Variants in ANKRD13C observed in about 807,000 individuals in gnomAD.
The protein encoded by ANKRD13C is ankyrin repeat domain 13C.
Under a neutral mutation model 65.5 loss-of-function variants are expected in ANKRD13C, and 16 were observed. The ratio of observed to expected loss-of-function variants is 0.24; its 90% CI spans 0.17 to 0.37. The LOEUF (loss-of-function observed/expected upper bound fraction) is 0.37, where lower values mean the gene tolerates loss of function less well. ANKRD13C is among the 10% of genes least tolerant of loss of function. ANKRD13C has a pLI of 1.00. For missense variants in ANKRD13C, 503 were observed against 655.9 expected (o/e 0.77, Z 2.55); for synonymous variants, 235 against 238.7 (o/e 0.98, Z 0.14).
At chr1:70,286,279 A>C (rs1030220773) in intron 9 of ANKRD13C, among the ~76,000 whole-genome samples, 17 of 152,176 alleles carry the variant, frequency 1.1e-4, no homozygotes, top group Admixed American at 9.2e-4. Flanking sequence ...AATATTCTCA[A>C]ATGCAATTCT....
At chr1:70,350,166 T>C (rs1035008564) in intron 1 of ANKRD13C, among the ~76,000 whole-genome samples, 2 of 152,156 alleles carry the variant, frequency 1.3e-5, no homozygotes, top group Non-Finnish European at 2.9e-5. Flanking sequence ...TTAATTAACA[T>C]ACTCTTGCAC....
chr1:70,329,726 T>C (rs1010231353), intron 2 of ANKRD13C, among the ~76,000 whole-genome samples: 8 of 151,920 alleles, frequency 5.3e-5, no homozygotes, highest in Admixed American at 4.6e-4. Context: ...GAAGTAGAGA[T>C]TAGCAACTAA....
At chr1:70,265,847 A>AAAAG (rs1553240880) in intron 12 of ANKRD13C, among the ~76,000 whole-genome samples, 6 of 144,946 alleles carry the variant, frequency 4.1e-5, no homozygotes, top group Non-Finnish European at 9.0e-5. Flanking sequence ...AAAAAAAAAA[A>AAAAG]AAAAGAAAAG....
chr1:70,296,627 A>G (rs11209599), intron 7 of ANKRD13C, among the ~76,000 whole-genome samples: 16,925 of 152,078 alleles, frequency 0.11, 1,175 homozygotes, highest in East Asian at 0.34. Flanking sequence ...CAGATCTGAG[A>G]AAAAAACCCA....
intron 12 of ANKRD13C, among the ~76,000 whole-genome samples, chr1:70,267,707 C>A (rs1216978386): frequency 6.6e-6 from 1 of 151,914 alleles, no homozygotes; most frequent in Non-Finnish European, 1.5e-5. Flanking sequence ...CTTTTTCTTG[C>A]CATCCTTAGG....
At chr1:70,316,199 G>GTA (rs1681065936) in intron 3 of ANKRD13C, among the ~76,000 whole-genome samples, 1 of 152,120 alleles carries the variant, frequency 6.6e-6, no homozygotes, top group Non-Finnish European at 1.5e-5. Context: ...GAATCTTATT[G>GTA]TACATGGAAA....
chr1:70,322,608 T>G (rs3980669), intron 3 of ANKRD13C, among the ~76,000 whole-genome samples: 1 of 152,216 alleles, frequency 6.6e-6, no homozygotes, highest in Non-Finnish European at 1.5e-5. Flanking sequence ...TTATGAATTC[T>G]TAAACAGAAG....
intron 8 of ANKRD13C, among the ~76,000 whole-genome samples, chr1:70,293,938 T>C (rs1460644010): frequency 1.3e-5 from 2 of 152,234 alleles, no homozygotes; most frequent in African/African-American, 4.8e-5. Context: ...AAAAGGATGA[T>C]AAACACATCA....
chr1:70,326,285 T>TTCAA (rs1017184212), intron 2 of ANKRD13C, among the ~76,000 whole-genome samples: 2 of 141,804 alleles, frequency 1.4e-5, no homozygotes, highest in Non-Finnish European at 3.1e-5. Context: ...CATCCATTCA[T>TTCAA]TCAATCAATA....
chr1:70,275,267 CA>C (rs1679079321), intron 10 of ANKRD13C, among the ~76,000 whole-genome samples: 2 of 152,072 alleles, frequency 1.3e-5, no homozygotes, highest in Non-Finnish European at 2.9e-5. Flanking sequence ...ATCAATGTAG[CA>C]TAAAGATCTA....
In ANKRD13C at chr1:70,260,031, G is replaced by A. The variant is rs1239612308; in HGVS notation, c.*2686C>T. ...ATTATTCATCACCCTCCCCCAGTGT[G>A]TGAATAATAAACTGTATGTGAATAC... On this transcript the variant is annotated 3_prime_UTR_variant, in exon 13 of 13. Transcript: ENST00000370944. Among the ~76,000 whole-genome samples the A allele has an allele frequency of 1.3e-5, 2 of 152,120 alleles. No homozygotes were observed. Among genetic ancestry groups the A allele is most frequent in the Non-Finnish European group, 2.9e-5 (2 of 68,010 alleles).
At chr1:70,309,687 G>A (rs1371463088) in intron 5 of ANKRD13C, among the ~76,000 whole-genome samples, 1 of 145,926 alleles carries the variant, frequency 6.9e-6, no homozygotes, top group Non-Finnish European at 1.5e-5. Flanking sequence ...GATCGCGCTA[G>A]CCTGGGCGAC....
At chr1:70,272,490 G>C (rs1215696372) in intron 11 of ANKRD13C, among the ~76,000 whole-genome samples, 1 of 151,830 alleles carries the variant, frequency 6.6e-6, no homozygotes, top group African/African-American at 2.4e-5. Context: ...AAACTGCCAG[G>C]ATAACAGGTG....
rs1678421211 is a variant in ANKRD13C at position 70,262,374 on chromosome 1, G to A, written c.*343C>T. ...TGTTTTAGATATAGATATAGATATA[G>A]ATATATTTATATGCATATATATTTC... On this transcript the variant is annotated 3_prime_UTR_variant, in exon 13 of 13. Transcript: ENST00000370944. 1 of 156,730 alleles carries A rather than the reference G, an allele frequency of 6.4e-6. No individual in the cohort carries two copies. The highest frequency in any genetic ancestry group is 2.4e-5 in the African/African-American group (1 of 41,454). 9.7% of individuals were successfully genotyped at this position (156,730 alleles called of 1,614,324 possible). A position where few individuals can be genotyped will look rare whatever the true frequency, so the allele number is the denominator to read the frequency against.
intron 7 of ANKRD13C, among the ~76,000 whole-genome samples, chr1:70,297,417 CT>C (rs1175302692): frequency 1.3e-5 from 2 of 150,352 alleles, no homozygotes; most frequent in African/African-American, 4.9e-5. Context: ...CCTCAGCCTC[CT>C]GAGTAGCTGG....
intron 12 of ANKRD13C, among the ~76,000 whole-genome samples, chr1:70,268,335 A>T (rs1678723722): frequency 6.6e-6 from 1 of 152,052 alleles, no homozygotes; most frequent in African/African-American, 2.4e-5. Flanking sequence ...ACACCTGGCT[A>T]ATTTTTAGTA....
At chr1:70,265,859 AAAGAAAAGAAGAAG>A (rs1678602406) in intron 12 of ANKRD13C, among the ~76,000 whole-genome samples, 1 of 148,656 alleles carries the variant, frequency 6.7e-6, no homozygotes, top group African/African-American at 2.5e-5. Flanking sequence ...AAAGAAAAGA[AAAGAAAAGAAGAAG>A]GAAGGAAGGA....
chr1:70,304,188 C>T (rs1263368101), intron 6 of ANKRD13C, among the ~76,000 whole-genome samples: 2 of 151,964 alleles, frequency 1.3e-5, no homozygotes, highest in Non-Finnish European at 2.9e-5. Context: ...ACTACAAGTG[C>T]GTGCCACCAT....
intron 8 of ANKRD13C, among the ~76,000 whole-genome samples, chr1:70,295,401 C>T (rs1272930344): frequency 1.3e-5 from 2 of 152,000 alleles, no homozygotes; most frequent in East Asian, 1.9e-4. Context: ...GTATGCACCA[C>T]CACGCCCGGG....
Sources: allele counts gnomAD v4.1 joint callset (sites outside exome capture counted in the v4.1 genomes callset), GRCh38; gene constraint gnomAD v4.1.1; transcripts MANE v1.5; gene names NCBI Gene and HGNC (gene_info 2026-07-23, HGNC 2026-07-21).